The following LRRTM4 variants were observed in gnomAD, a reference collection of about 807,000 sequenced individuals.
LRRTM4 encodes leucine rich repeat transmembrane neuronal 4.
LRRTM4 carries 25 observed loss-of-function variants against 47.6 expected under a neutral mutation model. The ratio of observed to expected loss-of-function variants is 0.53; its 90% confidence interval spans 0.38 to 0.73. The LOEUF is 0.73. LRRTM4 is among the 30% of genes least tolerant of loss of function. The pLI is 0.00. For missense variants in LRRTM4, 638 were observed against 713.4 expected (o/e 0.89, Z 1.20); for synonymous variants, 311 against 269.5 (o/e 1.15, Z -1.51).
rs117536934 is a variant in LRRTM4, at chr2:77,017,245, C to T, written c.1552-268329G>A. Reference sequence around the variant, plus strand: ...AAGGCCTGACCTCCTGTTGTTCTACCATCTTATCACTTTAAGTAATGCATA... The same window carrying T: ...AAGGCCTGACCTCCTGTTGTTCTACTATCTTATCACTTTAAGTAATGCATA... On this transcript the variant is annotated intron_variant, in intron 3 of 3. Transcript: ENST00000409884. Among the ~76,000 whole-genome samples, 30 of 152,096 alleles carry T rather than the reference C, an allele frequency of 2.0e-4. 1 individual carries two copies. In the East Asian group the frequency reaches 5.8e-3, roughly 29 times the overall value.
intron 3 of LRRTM4, among the ~76,000 whole-genome samples, chr2:76,979,001 T>C (rs1676508751): frequency 6.6e-6 from 1 of 151,946 alleles, no homozygotes; most frequent in African/African-American, 2.4e-5. Context: ...GAATAAAACA[T>C]GATACAGAGT....
chr2:77,240,364 A>G (rs1240118780), intron 3 of LRRTM4, among the ~76,000 whole-genome samples: 1 of 152,020 alleles, frequency 6.6e-6, no homozygotes, highest in South Asian at 2.1e-4. Context: ...AATTCATTAC[A>G]GAATAAATGG....
intron 3 of LRRTM4, among the ~76,000 whole-genome samples, chr2:76,911,054 A>C (rs955670739): frequency 1.2e-4 from 19 of 152,240 alleles, no homozygotes; most frequent in African/African-American, 4.3e-4. Context: ...ATTTTGATTC[A>C]TAATAGTTAC....
At chr2:77,508,698 CAAT>C (rs1051788156) in intron 3 of LRRTM4, among the ~76,000 whole-genome samples, 1 of 151,602 alleles carries the variant, frequency 6.6e-6, no homozygotes, top group Non-Finnish European at 1.5e-5. Context: ...ACTATGGGGA[CAAT>C]AATAAGAATG....
chr2:76,837,404 T>C (rs888015613), intron 3 of LRRTM4, among the ~76,000 whole-genome samples: 7 of 152,098 alleles, frequency 4.6e-5, no homozygotes, highest in Admixed American at 1.3e-4. Flanking sequence ...ATCTTAGTTA[T>C]TTCTTGCCTT....
rs1342558236 is a variant in LRRTM4 at position 76,764,829 on chromosome 2, C to T, written c.1552-15913G>A. On this transcript the variant is annotated intron_variant, in intron 3 of 3. Coordinates refer to ENST00000409884, the MANE Select transcript of LRRTM4 (RefSeq NM_001134745.3). ...AAGGGAAGAAAAAGGAAGGATGACC[C>T]AAAGGCTCTTCAGAGACCATCTGGG... 3.9e-5 allele frequency among the ~76,000 whole-genome samples: 6 copies of T among 152,076 alleles called. 1 individual carries two copies. The highest frequency in any genetic ancestry group is 5.9e-5 in the Non-Finnish European group (4 of 68,020).
intron 3 of LRRTM4, among the ~76,000 whole-genome samples, chr2:77,214,763 G>A (rs185604698): frequency 5.2e-4 from 78 of 150,296 alleles, no homozygotes; most frequent in Non-Finnish European, 7.5e-4. Flanking sequence ...CTGTTAACTC[G>A]TCTCTGAAAA....
At chr2:76,790,733 C>G (rs1218287384) in intron 3 of LRRTM4, among the ~76,000 whole-genome samples, 2 of 150,682 alleles carry the variant, frequency 1.3e-5, no homozygotes, top group African/African-American at 4.9e-5. Context: ...ATTTAACAGG[C>G]AAAATGTCAG....
intron 3 of LRRTM4, among the ~76,000 whole-genome samples, chr2:76,979,950 T>G (rs1388637183): frequency 6.6e-6 from 1 of 151,974 alleles, no homozygotes. Context: ...TGCATCCAAA[T>G]GGTTAACTTC....
intron 3 of LRRTM4, among the ~76,000 whole-genome samples, chr2:77,415,678 C>A (rs1674609896): frequency 6.6e-6 from 1 of 152,038 alleles, no homozygotes. Flanking sequence ...GGAGTCTCCT[C>A]TTGAATTCCT....
At chr2:77,448,943 T>C (rs1402244019) in intron 3 of LRRTM4, among the ~76,000 whole-genome samples, 5 of 152,202 alleles carry the variant, frequency 3.3e-5, no homozygotes, top group Non-Finnish European at 4.4e-5. Context: ...CAACTGATAT[T>C]GACATATTTG....
chr2:77,083,920 T>C lies in LRRTM4; in HGVS notation c.1552-335004A>G, dbSNP rs11892068. On this transcript the variant is annotated intron_variant, in intron 3 of 3. Coordinates refer to ENST00000409884, the MANE Select transcript of LRRTM4 (RefSeq NM_001134745.3). ...CCCGGGTTCACGCCATTCTCCTGCC[T>C]CAGCCTCCCGAGTAGCTGGGACTAC... is the stretch of plus-strand genomic sequence containing the variant. Among the ~76,000 whole-genome samples, 880 of 148,326 alleles carry C rather than the reference T, an allele frequency of 5.9e-3. 6 individuals carry two copies. Among genetic ancestry groups the C allele is most frequent in the Middle Eastern group, 0.039 (11 of 282 alleles).
At chr2:77,154,756 T>C (rs1232716179) in intron 3 of LRRTM4, among the ~76,000 whole-genome samples, 1 of 152,124 alleles carries the variant, frequency 6.6e-6, no homozygotes, top group African/African-American at 2.4e-5. Flanking sequence ...GGAGATTAGT[T>C]ACATGAATGT....
rs552060415 is a variant in LRRTM4 at position 76,908,188 on chromosome 2, T to A, written c.1552-159272A>T. Among the ~76,000 whole-genome samples the A allele has an allele frequency of 2.1e-3, 317 of 149,586 alleles. 6 individuals are homozygous for A. Among genetic ancestry groups the A allele is most frequent in the African/African-American group, 7.6e-3 (308 of 40,794 alleles). Reference sequence around the variant, plus strand: ...TCCCTGGGATGCAAGGCTGGTTCAATATACGCAAATCAATAAATGTAATCC... The same window carrying A: ...TCCCTGGGATGCAAGGCTGGTTCAAAATACGCAAATCAATAAATGTAATCC... On this transcript the variant is annotated intron_variant, in intron 3 of 3. Coordinates refer to ENST00000409884, the MANE Select transcript of LRRTM4 (RefSeq NM_001134745.3).
chr2:77,042,673 A>G (rs978008277), intron 3 of LRRTM4, among the ~76,000 whole-genome samples: 1 of 141,808 alleles, frequency 7.1e-6, no homozygotes, highest in Non-Finnish European at 1.5e-5. Context: ...TCTTATGATG[A>G]TAAGTAAATT....
chr2:77,067,103 T>C (rs1573523206), intron 3 of LRRTM4, among the ~76,000 whole-genome samples: 1 of 152,242 alleles, frequency 6.6e-6, no homozygotes, highest in Non-Finnish European at 1.5e-5. Context: ...CTACTTCTGA[T>C]TGCTTTACAC....
At chr2:76,791,746 C>A (rs1674984686) in intron 3 of LRRTM4, among the ~76,000 whole-genome samples, 1 of 152,216 alleles carries the variant, frequency 6.6e-6, no homozygotes, top group African/African-American at 2.4e-5. Context: ...GAACTACATT[C>A]TACAGATATA....
At chr2:76,795,594 C>CAAACATATATAT (rs59362311) in intron 3 of LRRTM4, among the ~76,000 whole-genome samples, 2 of 151,598 alleles carry the variant, frequency 1.3e-5, no homozygotes, top group South Asian at 2.1e-4. Context: ...CACACACATA[C>CAAACATATATAT]ACACACACTA....
At chr2:76,820,927 A>G (rs937417968) in intron 3 of LRRTM4, among the ~76,000 whole-genome samples, 1 of 151,568 alleles carries the variant, frequency 6.6e-6, no homozygotes, top group South Asian at 2.1e-4. Flanking sequence ...AATTAGGGCA[A>G]ACTGGTAGGA....
Sources: allele counts gnomAD v4.1 joint callset (sites outside exome capture counted in the v4.1 genomes callset), GRCh38; gene constraint gnomAD v4.1.1; transcripts MANE v1.5; gene names NCBI Gene and HGNC (gene_info 2026-07-23, HGNC 2026-07-21).